Variants in TMC1 observed in about 807,000 individuals in gnomAD.
TMC1 encodes transmembrane channel-like protein 1.
Under a neutral mutation model 105.8 loss-of-function variants are expected in TMC1, and 84 were observed. The observed-to-expected ratio is 0.79, with a 90% CI of 0.67 to 0.95. The LOEUF is 0.95. Ranked by LOEUF, TMC1 falls within the 40% of genes least tolerant of loss-of-function variation. TMC1 has a pLI of 0.00. For synonymous variants in TMC1, 315 were observed against 311.5 expected (o/e 1.01, Z -0.12); for missense variants, 817 against 914.1 (o/e 0.89, Z 1.37).
At position 72,694,662 on chromosome 9, in the gene TMC1, G is replaced by A. The variant is rs1241564328; in HGVS notation, c.184G>A (p.Glu62Lys). 1.4e-5 allele frequency: 22 copies of A among 1,612,494 alleles called. No homozygotes were observed. Among genetic ancestry groups the A allele is most frequent in the Non-Finnish European group, 1.9e-5 (22 of 1,179,214 alleles). ...DDPEPEPEDEETRKAREKERR... is the reference protein window; with the variant it reads ...DDPEPEPEDEKTRKAREKERR... ...CCCAGAACCTGAACCAGAGGATGAA[G>A]AAACAAGGAAGGCAAGAGAAAAAGA... Residue 62 changes from glutamate to lysine, a missense_variant, in exon 7 of 24, where the codon GAA (glutamate) becomes AAA (lysine). Transcript: ENST00000297784.
chr9:72,543,284 G>A (rs1823708241), intron 1 of TMC1, among the ~76,000 whole-genome samples: 1 of 152,060 alleles, frequency 6.6e-6, no homozygotes. Context: ...AATCCTATCT[G>A]TTCTTCCTTA....
At chr9:72,671,191 A>G (rs573022334) in intron 5 of TMC1, among the ~76,000 whole-genome samples, 1 of 152,328 alleles carries the variant, frequency 6.6e-6, no homozygotes, top group Non-Finnish European at 1.5e-5. Flanking sequence ...CAATGGGGTT[A>G]TGATCTAATG....
chr9:72,797,960 A>T (rs962961817), intron 17 of TMC1, among the ~76,000 whole-genome samples: 1 of 152,206 alleles, frequency 6.6e-6, no homozygotes, highest in African/African-American at 2.4e-5. Flanking sequence ...CATTTTTGCA[A>T]TCTATCCATC....
chr9:72,735,964 CT>C (rs2118000174), intron 8 of TMC1, among the ~76,000 whole-genome samples: 1 of 152,272 alleles, frequency 6.6e-6, no homozygotes, highest in Non-Finnish European at 1.5e-5. Context: ...GCTAAAATGG[CT>C]GTTCAGGGAC....
chr9:72,647,037 G>A (rs1476438359), intron 4 of TMC1, among the ~76,000 whole-genome samples: 1 of 151,454 alleles, frequency 6.6e-6, no homozygotes, highest in Non-Finnish European at 1.5e-5. Flanking sequence ...AGCTACTCGG[G>A]AGGCTGAGGC....
chr9:72,746,332 T>A (rs1827489703), intron 10 of TMC1, among the ~76,000 whole-genome samples: 2 of 152,208 alleles, frequency 1.3e-5, no homozygotes, highest in Non-Finnish European at 2.9e-5. Flanking sequence ...CTATTGCTAC[T>A]GCCAAAGACA....
chr9:72,614,834 C>CA (rs1216395019), intron 2 of TMC1, among the ~76,000 whole-genome samples: 1 of 152,200 alleles, frequency 6.6e-6, no homozygotes, highest in East Asian at 1.9e-4. Flanking sequence ...TGCCTGCCAC[C>CA]ATACCTGGCT....
At chr9:72,673,734 A>G (rs2132170867) in intron 5 of TMC1, among the ~76,000 whole-genome samples, 1 of 152,340 alleles carries the variant, frequency 6.6e-6, no homozygotes, top group East Asian at 1.9e-4. Flanking sequence ...GAAATTGATA[A>G]TCTTAGTAGC....
At chr9:72,572,276 A>AT (rs1175509284) in intron 1 of TMC1, among the ~76,000 whole-genome samples, 1 of 151,480 alleles carries the variant, frequency 6.6e-6, no homozygotes, top group Non-Finnish European at 1.5e-5. Context: ...GGCTCACTGC[A>AT]TCCCCTGCCT....
chr9:72,781,311 T>A (rs1388940838), intron 13 of TMC1, among the ~76,000 whole-genome samples: 1 of 152,032 alleles, frequency 6.6e-6, no homozygotes, highest in Non-Finnish European at 1.5e-5. Context: ...TGGGACCCAG[T>A]TAAAGCAGTT....
At chr9:72,572,572 T>C (rs747289889) in intron 1 of TMC1, among the ~76,000 whole-genome samples, 1 of 152,192 alleles carries the variant, frequency 6.6e-6, no homozygotes, top group Admixed American at 6.5e-5. Context: ...GTGCCCATAG[T>C]CAACCATGCT....
intron 5 of TMC1, among the ~76,000 whole-genome samples, chr9:72,648,982 G>A (rs934990620): frequency 1.3e-5 from 2 of 152,178 alleles, no homozygotes; most frequent in African/African-American, 4.8e-5. Context: ...CTCAAATGCG[G>A]GCTTTATTCC....
In TMC1 at chr9:72,824,735, C is replaced by G. The variant is rs375073002; in HGVS notation, c.2004-2134C>G. Among the ~76,000 whole-genome samples, 10 of 152,264 alleles carry G rather than the reference C, an allele frequency of 6.6e-5. No homozygotes were observed. In the East Asian group the frequency reaches 1.2e-3, roughly 18 times the overall value. On this transcript the variant is annotated intron_variant, in intron 20 of 23. Coordinates refer to ENST00000297784, the MANE Select transcript of TMC1 (RefSeq NM_138691.3). ...AAAGGTAGACACGACAGTATAGAAA[C>G]CCAACTAGGAAAGGGTAGGTATATG...
chr9:72,766,045 T>G (rs895394643), intron 12 of TMC1, among the ~76,000 whole-genome samples: 3 of 152,206 alleles, frequency 2.0e-5, no homozygotes, highest in African/African-American at 7.2e-5. Flanking sequence ...ACCTTGTAGT[T>G]GCCATGTATA....
rs188572310 is a variant in TMC1 at position 72,708,044 on chromosome 9, T to C, written c.362+7401T>C. 1.1e-4 allele frequency among the ~76,000 whole-genome samples: 16 copies of C among 152,322 alleles called. No individual in the cohort carries two copies. The East Asian group carries it at 2.7e-3, about 26-fold the overall frequency. ...GTGTCTTTTCCCCACATTATGTTTT[T>C]GTTTGCTTTGTCAAAGATCAGTTGG... On this transcript the variant is annotated intron_variant, in intron 8 of 23. Coordinates refer to ENST00000297784, the MANE Select transcript of TMC1 (RefSeq NM_138691.3).
intron 2 of TMC1, among the ~76,000 whole-genome samples, chr9:72,585,261 C>T (rs532084664): frequency 3.3e-5 from 5 of 151,722 alleles, no homozygotes; most frequent in Non-Finnish European, 5.9e-5. Context: ...CGCCATTCTC[C>T]GGCCGCAGCC....
chr9:72,558,339 A>G (rs1232645753), intron 1 of TMC1, among the ~76,000 whole-genome samples: 1 of 152,216 alleles, frequency 6.6e-6, no homozygotes, highest in Non-Finnish European at 1.5e-5. Context: ...ATGGGACACT[A>G]GCATCTTGGT....
intron 4 of TMC1, among the ~76,000 whole-genome samples, chr9:72,635,643 G>T (rs1445544364): frequency 6.6e-6 from 1 of 152,090 alleles, no homozygotes; most frequent in Admixed American, 6.5e-5. Flanking sequence ...AATTTGATTT[G>T]GGAAACTTCG....
chr9:72,597,671 T>G (rs1167834154), intron 2 of TMC1, among the ~76,000 whole-genome samples: 38 of 152,232 alleles, frequency 2.5e-4, no homozygotes, highest in Admixed American at 2.5e-3. Flanking sequence ...CCCATGCCTT[T>G]GATGTATTTG....
Sources: gnomAD v4.1 joint callset for allele counts (sites outside exome capture counted in the v4.1 genomes callset) on GRCh38, gnomAD v4.1.1 for gene constraint, MANE v1.5 for transcripts, NCBI Gene and HGNC (gene_info 2026-07-23, HGNC 2026-07-21) for gene names.